Variants in ADAMTS15 observed in about 807,000 individuals in gnomAD.
The protein encoded by ADAMTS15 is A disintegrin and metalloproteinase with thrombospondin motifs 15.
ADAMTS15 carries 35 observed loss-of-function variants against 79.1 expected under a neutral mutation model. The observed-to-expected ratio is 0.44, with a 90% CI of 0.34 to 0.59. ADAMTS15 has a LOEUF of 0.59. Among genes scored for constraint, ADAMTS15 ranks in the 20% least tolerant of loss-of-function variants. The probability of loss-of-function intolerance (pLI) is 0.02; values close to 1 mark genes in which losing one functional copy is unlikely to be tolerated. For synonymous variants in ADAMTS15, 616 were observed against 567.3 expected (o/e 1.09, Z -1.22); for missense variants, 1,324 against 1,318.7 (o/e 1.00, Z -0.06).
rs1565394476 is a variant in ADAMTS15, at chr11:130,462,425, C to G, written c.1259-72C>G. On this transcript the variant is annotated intron_variant, in intron 3 of 7. Coordinates refer to ENST00000299164, the MANE Select transcript of ADAMTS15 (RefSeq NM_139055.4). The surrounding 1 kb of genome is among the most constrained non-coding windows in gnomAD (Gnocchi z 4.3). The stretch of plus-strand genomic sequence containing the variant: ...TTGCCCTTGGTTCATTATCCCCTTA[C>G]CATTCAGATTCTGGGCTAGCCAAAC... 6.5e-7 allele frequency: 1 copy of G among 1,530,088 alleles called. No homozygotes were observed. The highest frequency in any genetic ancestry group is 2.0e-5 in the Admixed American group (1 of 51,130). The allele number at this position is 1,530,088 out of a possible 1,614,324, so 94.8% of individuals were successfully genotyped here.
Position 130,470,166 on chromosome 11 carries a change from A to ATATATGTATATATG in ADAMTS15, c.1720+732_1720+733insGTATATATGTATAT, listed in dbSNP as rs1565397707. ...TATATATATATGTGTATATATATAT[A>ATATATGTATATATG]TATATATATATATATGTGTGTATAT... On this transcript the variant is annotated intron_variant, in intron 5 of 7. Transcript: ENST00000299164. 1.4e-3 allele frequency among the ~76,000 whole-genome samples: 83 copies of ATATATGTATATATG among 57,574 alleles called. 4 individuals are homozygous for ATATATGTATATATG. The highest frequency in any genetic ancestry group is 2.1e-3 in the Non-Finnish European group (64 of 30,518). 37.8% of individuals were successfully genotyped at this position (57,574 alleles called of 152,430 possible).
chr11:130,473,759 G>A lies in ADAMTS15; in HGVS notation c.2791G>A (p.Asp931Asn). ...CCACGGAGGCCGGCTGCTGGCCCGG[G>A]ACCAGTGCAACTTGCACCGCAAGCC... is the stretch of plus-strand genomic sequence containing the variant. ...VGHGGRLLARDQCNLHRKPQE... is the reference protein window; with the variant it reads ...VGHGGRLLARNQCNLHRKPQE... The change falls in exon 8 of 8, where the codon GAC becomes AAC. Residue 931 changes from aspartate to asparagine, a missense_variant. Coordinates refer to ENST00000299164, the MANE Select transcript of ADAMTS15 (RefSeq NM_139055.4). The A allele has an allele frequency of 1.3e-6, 2 of 1,599,334 alleles. No individual in the cohort carries two copies. Among genetic ancestry groups the A allele is most frequent in the Non-Finnish European group, 1.7e-6 (2 of 1,179,870 alleles).
intron 4 of ADAMTS15, among the ~76,000 whole-genome samples, chr11:130,468,110 T>C (rs2279569): frequency 0.14 from 21,465 of 152,228 alleles, 1,692 homozygotes; most frequent in African/African-American, 0.21. Context: ...TTTTTTCCTT[T>C]TATTCCCGGC....
Position 130,462,758 on chromosome 11 carries a change from GACACAACCTCA to G in ADAMTS15, c.1524_1534del (p.His508GlnfsTer74). On this transcript the variant is annotated frameshift_variant, in exon 4 of 8. Coordinates refer to ENST00000299164, the MANE Select transcript of ADAMTS15 (RefSeq NM_139055.4). LOFTEE classifies it high-confidence loss of function. This position sits in a 1 kb window ranked among gnomAD's most constrained non-coding sequence, Gnocchi z 4.3. ...TGCCTCAAAGGGGCCTGCGTGGAGA[GACACAACCTCA>G]ACAAGCACAGGGTGAGTGAGTGCTG... 6.3e-7 allele frequency: 1 copy of G among 1,595,512 alleles called. No individual in the cohort carries two copies. Among genetic ancestry groups the G allele is most frequent in the Non-Finnish European group, 8.6e-7 (1 of 1,165,300 alleles).
chr11:130,456,392 T>G (rs1052704443), intron 1 of ADAMTS15, among the ~76,000 whole-genome samples: 1 of 152,198 alleles, frequency 6.6e-6, no homozygotes, highest in Admixed American at 6.5e-5. Flanking sequence ...TACCATTTTG[T>G]ACATCTGGAG....
chr11:130,455,261 C>A (rs1257804328), intron 1 of ADAMTS15, among the ~76,000 whole-genome samples: 1 of 152,160 alleles, frequency 6.6e-6, no homozygotes, highest in African/African-American at 2.4e-5. Context: ...TCAGTACATG[C>A]TTCTTGTTGA....
Position 130,449,905 on chromosome 11 carries a change from ACACTGCCAT to A in ADAMTS15, c.934_942del (p.Thr312_Ile314del), listed in dbSNP as rs759079626. ...AGTGACAAGCACCCCGAGTACTGGG[ACACTGCCAT>A]CCTCTTCACCAGGCAGGTGAGTTGA... On this transcript the variant is annotated inframe_deletion, in exon 1 of 8. Coordinates refer to ENST00000299164, the MANE Select transcript of ADAMTS15 (RefSeq NM_139055.4). This position sits in a 1 kb window ranked among gnomAD's most constrained non-coding sequence, Gnocchi z 7.8. 1 of 1,600,188 alleles carries A rather than the reference ACACTGCCAT, an allele frequency of 6.2e-7. No homozygotes were observed. The highest frequency in any genetic ancestry group is 1.1e-5 in the South Asian group (1 of 91,076).
At chr11:130,469,057 T>G (rs1938367588) in intron 4 of ADAMTS15, among the ~76,000 whole-genome samples, 1 of 152,052 alleles carries the variant, frequency 6.6e-6, no homozygotes, top group Non-Finnish European at 1.5e-5. Flanking sequence ...AGTTGCTGTT[T>G]GCTCATTAGT....
Position 130,455,025 on chromosome 11 carries a change from G to A in ADAMTS15, c.957+5095G>A, listed in dbSNP as rs186302173. ...ATGATGGAAAGAACACAGGCTTGGA[G>A]TCAGGCAGAGCTGAGTATGAATCCG... On this transcript the variant is annotated intron_variant, in intron 1 of 7. Transcript: ENST00000299164. Among the ~76,000 whole-genome samples, 287 of 152,222 alleles carry A rather than the reference G, an allele frequency of 1.9e-3. 2 individuals are homozygous for A. The highest frequency in any genetic ancestry group is 6.2e-3 in the African/African-American group (258 of 41,530).
chr11:130,455,182 A>C (rs1938051184), intron 1 of ADAMTS15, among the ~76,000 whole-genome samples: 1 of 152,184 alleles, frequency 6.6e-6, no homozygotes, highest in South Asian at 2.1e-4. Context: ...GATAAGTGTT[A>C]CTGAGTGGTC....
chr11:130,462,341 T>C lies in ADAMTS15; in HGVS notation c.1258+87T>C. On this transcript the variant is annotated intron_variant, in intron 3 of 7. Transcript: ENST00000299164. The surrounding 1 kb of genome is among the most constrained non-coding windows in gnomAD (Gnocchi z 4.3). Reference sequence around the variant, plus strand: ...GGTGGAGGTGCTCACTTCTCCGTCCTCTGTACATTAGGTGTGTGTGCCCCC... The same window carrying C: ...GGTGGAGGTGCTCACTTCTCCGTCCCCTGTACATTAGGTGTGTGTGCCCCC... 5 of 1,512,844 alleles carry C rather than the reference T, an allele frequency of 3.3e-6. No homozygotes were observed. Among genetic ancestry groups the C allele is most frequent in the Non-Finnish European group, 4.4e-6 (5 of 1,126,734 alleles). The allele number at this position is 1,512,844 out of a possible 1,614,324, so 93.7% of individuals were successfully genotyped here. A position where few individuals can be genotyped will look rare whatever the true frequency, so the allele number is the denominator to read the frequency against.
rs1938404633 is a variant in ADAMTS15, at chr11:130,470,160, A to ACACATG, written c.1720+721_1720+722insCACATG. Among the ~76,000 whole-genome samples the ACACATG allele has an allele frequency of 1.0e-3, 58 of 57,280 alleles. 4 individuals carry two copies. Among genetic ancestry groups the ACACATG allele is most frequent in the African/African-American group, 4.4e-3 (43 of 9,680 alleles). 37.6% of individuals were successfully genotyped at this position (57,280 alleles called of 152,430 possible). ...TATATATATATATATATGTGTATATATATATATATATATATATATATGTGT... is the reference window on the plus strand; with the variant it reads ...TATATATATATATATATGTGTATATACACATGTATATATATATATATATATATGTGT... On this transcript the variant is annotated intron_variant, in intron 5 of 7. Coordinates refer to ENST00000299164, the MANE Select transcript of ADAMTS15 (RefSeq NM_139055.4).
chr11:130,456,751 A>T (rs1013367122), intron 1 of ADAMTS15, among the ~76,000 whole-genome samples: 7 of 152,192 alleles, frequency 4.6e-5, no homozygotes, highest in African/African-American at 1.7e-4. Context: ...ACTGGGGTGC[A>T]TAATCTCAAG....
intron 4 of ADAMTS15, among the ~76,000 whole-genome samples, chr11:130,468,166 G>A (rs574343060): frequency 7.2e-5 from 11 of 152,314 alleles, no homozygotes; most frequent in African/African-American, 2.4e-4. Flanking sequence ...CGGGGCCAGC[G>A]TGGTGCTGGG....
chr11:130,453,182 G>A (rs1474694154), intron 1 of ADAMTS15, among the ~76,000 whole-genome samples: 1 of 152,060 alleles, frequency 6.6e-6, no homozygotes. Context: ...CTGCGGAGTC[G>A]GGGCTGGGGA....
In ADAMTS15 at chr11:130,474,047, C is replaced by T. The variant is rs1033364646; in HGVS notation, c.*226C>T. ...ACAGTCTACCTCAGGCCCCGCTCCT[C>T]GGGCCGGTTGCGGGGAGAGGCTTTG... On this transcript the variant is annotated 3_prime_UTR_variant, in exon 8 of 8. Transcript: ENST00000299164. The T allele has an allele frequency of 6.7e-5, 38 of 569,722 alleles. No individual in the cohort carries two copies. Among genetic ancestry groups the T allele is most frequent in the East Asian group, 3.6e-4 (12 of 33,302 alleles). The allele number at this position is 569,722 out of a possible 1,614,324, so 35.3% of individuals were successfully genotyped here. A position where few individuals can be genotyped will look rare whatever the true frequency, so the allele number is the denominator to read the frequency against.
intron 4 of ADAMTS15, among the ~76,000 whole-genome samples, chr11:130,467,161 A>G (rs1309050194): frequency 2.0e-5 from 3 of 152,194 alleles, no homozygotes; most frequent in Admixed American, 6.5e-5. Flanking sequence ...ACCAGGTAGC[A>G]TTGTCTCAGC....
chr11:130,454,739 A>C (rs1410273349), intron 1 of ADAMTS15, among the ~76,000 whole-genome samples: 1 of 152,214 alleles, frequency 6.6e-6, no homozygotes, highest in African/African-American at 2.4e-5. Flanking sequence ...CCTGTCGTGC[A>C]GGATGAGTGC....
At position 130,471,216 on chromosome 11, in the gene ADAMTS15, C is replaced by A. The variant is rs751495984; in HGVS notation, c.1911C>A (p.Asp637Glu). The A allele has an allele frequency of 6.3e-7, 1 of 1,596,740 alleles. No homozygotes were observed. Among genetic ancestry groups the A allele is most frequent in the African/African-American group, 1.3e-5 (1 of 74,190 alleles). ...CTTCTGGGGTGCTGCAGGTGGTGGA[C>A]GGCACGCTGTGCTCTCCTGACTCCA... ...YFYVLAPKVV[D>E]GTLCSPDSTS... The change falls in exon 7 of 8, where the codon GAC (aspartate) becomes GAA (glutamate). Residue 637 changes from aspartate (D) to glutamate (E), a missense_variant. Physicochemically the swap from Asp to Glu is conservative, Grantham distance 45. Coordinates refer to ENST00000299164, the MANE Select transcript of ADAMTS15 (RefSeq NM_139055.4).
Sources: allele counts gnomAD v4.1 joint callset (sites outside exome capture counted in the v4.1 genomes callset), GRCh38; gene constraint gnomAD v4.1.1; non-coding constraint Gnocchi (gnomAD v3.1); transcripts MANE v1.5; gene names NCBI Gene and HGNC (gene_info 2026-07-23, HGNC 2026-07-21).